TUBB8: variants seen among roughly 807,000 people sequenced by gnomAD.
TUBB8 encodes tubulin beta-8 chain.
In TUBB8, 25 loss-of-function variants were observed where a neutral mutation model predicts 33.7. The observed-to-expected ratio is 0.74, with a 90% CI of 0.54 to 1.04. The LOEUF (loss-of-function observed/expected upper bound fraction) is 1.04, where lower values mean the gene tolerates loss of function less well. Ranked by LOEUF, TUBB8 falls within the 50% of genes least tolerant of loss-of-function variation. TUBB8 has a pLI of 0.00. For synonymous variants in TUBB8, 245 were observed against 240.1 expected, an observed-to-expected ratio of 1.02 and a Z score of -0.19; for missense variants, 279 against 608.0, an observed-to-expected ratio of 0.46 and a Z score of 5.69.
chr10:71,954 A>C lies in TUBB8; in HGVS notation c.-846+2015T>G, dbSNP rs570584417. On this transcript the variant is annotated intron_variant, in intron 1 of 3. Transcript: ENST00000564130. ...CAATAAAAATGTAAAGGCTGGGTAC[A>C]GTGGCTCACACCTATAATCCCAATA... is the stretch of plus-strand genomic sequence containing the variant. Among the ~76,000 whole-genome samples the C allele has an allele frequency of 1.6e-4, 24 of 152,252 alleles. No homozygotes were observed. In the South Asian group the frequency reaches 4.8e-3, roughly 30 times the overall value.
At chr10:56,509 C>G (rs529689869) in intron 1 of TUBB8, among the ~76,000 whole-genome samples, 2 of 152,324 alleles carry the variant, frequency 1.3e-5, no homozygotes, top group East Asian at 1.9e-4. Flanking sequence ...TCTGGTGAAG[C>G]CTCTGACAAC....
chr10:73,679 G>A (rs543419724), intron 1 of TUBB8, among the ~76,000 whole-genome samples: 1 of 151,808 alleles, frequency 6.6e-6, no homozygotes, highest in East Asian at 1.9e-4. Flanking sequence ...GCGCTGATCC[G>A]GGGGCGCCCG....
Position 47,196 on chromosome 10 carries a change from G to C in TUBB8, c.1196C>G (p.Thr399Arg). The C allele has an allele frequency of 6.2e-7, 1 of 1,612,254 alleles. No homozygotes were observed. Among genetic ancestry groups the C allele is most frequent in the Admixed American group, 1.7e-5 (1 of 59,970 alleles). Reference protein sequence around the residue: ...FRRKAFLHWYTGEGMDEMEFT... With the variant: ...FRRKAFLHWYRGEGMDEMEFT... ...TTCCATCTCATCCATGCCCTCGCCCGTGTACCAGTGGAGGAAGGCCTTGCG... is the reference window on the plus strand; with the variant it reads ...TTCCATCTCATCCATGCCCTCGCCCCTGTACCAGTGGAGGAAGGCCTTGCG... The change falls in exon 4 of 4, where the codon ACG becomes AGG. Residue 399 changes from threonine to arginine, a missense_variant. This residue lies in a region of TUBB8 where 123 missense variants were observed against 228.9 expected (regional missense o/e 0.54). Transcript: ENST00000568584.
chr10:48,492 G>T, intron 3 of TUBB8, 123 bp downstream of exon 3: 1 of 943,004 alleles, frequency 1.1e-6, no homozygotes. Flanking sequence ...GACTCGACTC[G>T]GAGGATAGGA....
At chr10:46,666 C>T (rs1465669272), downstream of TUBB8, among the ~76,000 whole-genome samples, 5 of 151,778 alleles carry the variant, frequency 3.3e-5, no homozygotes, top group East Asian at 9.8e-4. Flanking sequence ...TTGCCTTCAG[C>T]AACAGGTTTT....
intron 1 of TUBB8, among the ~76,000 whole-genome samples, chr10:60,700 A>G (rs539337258): frequency 1.9e-3 from 286 of 152,298 alleles, no homozygotes; most frequent in Middle Eastern, 3.4e-3. Context: ...TAGAAATACC[A>G]TTTGACCCAG....
chr10:54,397 C>G (rs1554739950), intron 1 of TUBB8, among the ~76,000 whole-genome samples: 1 of 151,354 alleles, frequency 6.6e-6, no homozygotes, highest in Non-Finnish European at 1.5e-5. Flanking sequence ...CTGAATAGTA[C>G]TCCATTGTGT....
intron 1 of TUBB8, among the ~76,000 whole-genome samples, chr10:60,470 GA>G (rs1834584941): frequency 1.3e-5 from 2 of 152,080 alleles, no homozygotes; most frequent in Admixed American, 1.3e-4. Context: ...AAAAACACAT[GA>G]AAAAATGCTC....
At chr10:54,239 G>C (rs1834503096), upstream of TUBB8, among the ~76,000 whole-genome samples, 4 of 151,314 alleles carry the variant, frequency 2.6e-5, no homozygotes, top group South Asian at 6.3e-4. Flanking sequence ...CTATCTCTAT[G>C]ACATCAATTG....
intron 3 of TUBB8, 117 bp downstream of exon 3, chr10:48,498 T>A: frequency 6.1e-6 from 6 of 977,462 alleles, no homozygotes; most frequent in Non-Finnish European, 8.1e-6. Context: ...ACTCGGAGGA[T>A]AGGAGGGTGT....
Position 48,904 on chromosome 10 carries a change from C to T in TUBB8, c.66G>A (p.Glu22=). 7.8e-6 allele frequency: 12 copies of T among 1,539,014 alleles called. No individual in the cohort carries two copies. Among genetic ancestry groups the T allele is most frequent in the Non-Finnish European group, 1.1e-5 (12 of 1,140,910 alleles). ...CGATGGCATGTTCATCAGAGATCAC[C>T]TCCCAGAACTGCAAGAGACGGGAGG... The part of the protein sequence containing the change: ...CGNQIGAKFW[E]VISDEHAIDS... Residue 22 remains glutamate, a synonymous_variant, in exon 2 of 4, where the codon GAG becomes GAA. Transcript: ENST00000568584.
At chr10:52,771 A>C (rs1261861310), upstream of TUBB8, among the ~76,000 whole-genome samples, 2 of 152,242 alleles carry the variant, frequency 1.3e-5, no homozygotes, top group Non-Finnish European at 1.5e-5. Context: ...CCAGTAAAAA[A>C]ATGTGGCTAT....
At chr10:55,590 T>C (rs369847601) in intron 1 of TUBB8, among the ~76,000 whole-genome samples, 11,862 of 112,556 alleles carry the variant, frequency 0.11, no homozygotes, top group Middle Eastern at 0.21. Context: ...GTTTCCCCAG[T>C]GTTTTCTTGT....
chr10:76,268 C>T (rs1317652661), upstream of TUBB8, among the ~76,000 whole-genome samples: 5 of 152,110 alleles, frequency 3.3e-5, no homozygotes, highest in Admixed American at 6.5e-5. Flanking sequence ...GTTCCTCCTC[C>T]TCTCCGGGGA....
At position 47,015 on chromosome 10, in the gene TUBB8, G is replaced by C. The variant is rs782531975; in HGVS notation, c.*42C>G. 129 of 679,376 alleles carry C rather than the reference G, an allele frequency of 1.9e-4. No individual in the cohort carries two copies. In the Middle Eastern group the frequency reaches 2.0e-3, roughly 11 times the overall value. The allele number at this position is 679,376 out of a possible 1,614,324, so 42.1% of individuals were successfully genotyped here. On this transcript the variant is annotated 3_prime_UTR_variant, in exon 4 of 4. Coordinates refer to ENST00000568584, the MANE Select transcript of TUBB8 (RefSeq NM_177987.3). ...CACATGGCTGTCAGAACACAGTAAA[G>C]AATCCACACTGCTTCCCCCCTTTAC...
intron 1 of TUBB8, among the ~76,000 whole-genome samples, chr10:67,138 TTTTG>T (rs1834680650): frequency 9.9e-6 from 1 of 101,378 alleles, no homozygotes; most frequent in Non-Finnish European, 1.9e-5. Flanking sequence ...CTCTGAGTTG[TTTTG>T]TTTTTTTGTT....
At chr10:60,483 T>A (rs547244225) in intron 1 of TUBB8, among the ~76,000 whole-genome samples, 451 of 152,200 alleles carry the variant, frequency 3.0e-3, no homozygotes, top group Middle Eastern at 6.8e-3. Flanking sequence ...AAAATGCTCA[T>A]CATCACTGGC....
upstream of TUBB8, among the ~76,000 whole-genome samples, chr10:74,720 G>A (rs9419537): frequency 3.9e-4 from 59 of 151,162 alleles, no homozygotes; most frequent in African/African-American, 1.3e-3. Context: ...GGGGAAGGGA[G>A]AAGGAAGTTA....
chr10:69,930 T>C (rs1176320546), intron 1 of TUBB8, among the ~76,000 whole-genome samples: 4 of 152,122 alleles, frequency 2.6e-5, no homozygotes, highest in African/African-American at 9.6e-5. Context: ...GACAGAATTC[T>C]CTCTCTTCTG....
Sources: gnomAD v4.1 joint callset for allele counts (sites outside exome capture counted in the v4.1 genomes callset) on GRCh38, gnomAD v4.1.1 for gene constraint, gnomAD v4.1.1 regional missense constraint, MANE v1.5 for transcripts, NCBI Gene and HGNC (gene_info 2026-07-23, HGNC 2026-07-21) for gene names.